Variants in PALLD observed in about 807,000 individuals in gnomAD.
PALLD encodes palladin.
A neutral mutation model predicts 123.5 loss-of-function variants in PALLD; 61 were observed. The observed-to-expected ratio is 0.49, with a 90% CI of 0.40 to 0.61. PALLD has a LOEUF of 0.61. Ranked by LOEUF, PALLD falls within the 20% of genes least tolerant of loss-of-function variation. PALLD has a pLI of 0.00. For synonymous variants in PALLD, 465 were observed against 496.4 expected (o/e 0.94, Z 0.84); for missense variants, 1,273 against 1,377.0 (o/e 0.92, Z 1.20).
chr4:168,611,635 T>A (rs1006287406), intron 2 of PALLD, among the ~76,000 whole-genome samples: 2 of 152,116 alleles, frequency 1.3e-5, no homozygotes, highest in African/African-American at 4.8e-5. Flanking sequence ...TAATGAAAAA[T>A]TCTGCAGGCT....
At chr4:168,738,112 T>G (rs2150335727) in intron 10 of PALLD, among the ~76,000 whole-genome samples, 1 of 152,294 alleles carries the variant, frequency 6.6e-6, no homozygotes, top group African/African-American at 2.4e-5. Flanking sequence ...CATTTTTCAT[T>G]GATTTGTGGC....
intron 4 of PALLD, among the ~76,000 whole-genome samples, 177 bp from the exon 5 acceptor site, chr4:168,682,821 C>T (rs1048733134): frequency 3.3e-5 from 5 of 151,904 alleles, no homozygotes; most frequent in African/African-American, 4.8e-5. Flanking sequence ...GCTATTCTAG[C>T]TGTAGGTTAT....
intron 2 of PALLD, among the ~76,000 whole-genome samples, chr4:168,651,747 A>ACTC (rs1012815104): frequency 6.6e-6 from 1 of 151,762 alleles, no homozygotes; most frequent in Non-Finnish European, 1.5e-5. Flanking sequence ...AAGAATTTCT[A>ACTC]CTCCTCCTCC....
intron 14 of PALLD, among the ~76,000 whole-genome samples, chr4:168,900,919 T>C (rs1350486298): frequency 6.6e-6 from 1 of 152,230 alleles, no homozygotes; most frequent in East Asian, 1.9e-4. Flanking sequence ...TTTCAAACCT[T>C]ACACAAGGCT....
chr4:168,690,520 G>A, intron 6 of PALLD, 83 bp from the exon 7 acceptor site: 1 of 1,546,016 alleles, frequency 6.5e-7, no homozygotes, highest in Non-Finnish European at 8.9e-7. Context: ...TCTGAGGTTT[G>A]GAATTTTTAT....
rs575270989 is a variant in PALLD, at chr4:168,676,717, C to T, written c.1088-4615C>T. On this transcript the variant is annotated intron_variant, in intron 3 of 21. Transcript: ENST00000505667. The stretch of plus-strand genomic sequence containing the variant: ...TCTCCTGCCTCAGCCTCCCAAGTAG[C>T]TGGGACTACCATGCCCATCTAATTT... Among the ~76,000 whole-genome samples, 19 of 151,054 alleles carry T rather than the reference C, an allele frequency of 1.3e-4. No individual in the cohort carries two copies. The South Asian group carries it at 3.8e-3, about 30-fold the overall frequency.
At chr4:168,522,154 C>T (rs558171694) in intron 2 of PALLD, among the ~76,000 whole-genome samples, 2 of 152,332 alleles carry the variant, frequency 1.3e-5, no homozygotes, top group East Asian at 1.9e-4. Context: ...GCTTTGTGAG[C>T]ATGTGTTAAC....
At chr4:168,623,722 A>T (rs13353581) in intron 2 of PALLD, among the ~76,000 whole-genome samples, 6,138 of 152,302 alleles carry the variant, frequency 0.04, 394 homozygotes, top group African/African-American at 0.14. Flanking sequence ...TCTCAGGTGA[A>T]GTGTAATTCA....
intron 10 of PALLD, among the ~76,000 whole-genome samples, chr4:168,725,529 T>C (rs995852130): frequency 1.4e-5 from 2 of 138,412 alleles, no homozygotes; most frequent in Non-Finnish European, 3.1e-5. Flanking sequence ...TTTCTTTTTT[T>C]TTTTTTTTTT....
chr4:168,889,590 G>A (rs549244552), intron 10 of PALLD, among the ~76,000 whole-genome samples: 10 of 152,172 alleles, frequency 6.6e-5, no homozygotes, highest in African/African-American at 2.4e-4. Flanking sequence ...TACCTTTGAA[G>A]CCCCCATTTG....
At chr4:168,726,345 A>G (rs1256727328) in intron 10 of PALLD, among the ~76,000 whole-genome samples, 1 of 152,178 alleles carries the variant, frequency 6.6e-6, no homozygotes, top group Admixed American at 6.5e-5. Flanking sequence ...ACTAGAGAGA[A>G]ACTTGTATTT....
At chr4:168,531,408 G>A (rs1764585209) in intron 2 of PALLD, among the ~76,000 whole-genome samples, 1 of 152,162 alleles carries the variant, frequency 6.6e-6, no homozygotes, top group Admixed American at 6.5e-5. Context: ...GGTAAAGATG[G>A]AATTCATCCT....
rs938692803 is a variant in PALLD, at chr4:168,750,239, G to T, written c.1964+38316G>T. On this transcript the variant is annotated intron_variant, in intron 10 of 21. Coordinates refer to ENST00000505667, the MANE Select transcript of PALLD (RefSeq NM_001166108.2). The stretch of plus-strand genomic sequence containing the variant: ...TGGGATTACAGGCGTGAACCAATGC[G>T]CCTGGCCAGTTTCCACTTATAAGCG... Among the ~76,000 whole-genome samples the T allele has an allele frequency of 2.0e-5, 3 of 152,108 alleles. No homozygotes were observed. In the South Asian group the frequency reaches 6.2e-4, roughly 32 times the overall value.
intron 10 of PALLD, among the ~76,000 whole-genome samples, chr4:168,775,565 A>G (rs1487371103): frequency 2.0e-5 from 3 of 152,164 alleles, no homozygotes; most frequent in South Asian, 2.1e-4. Context: ...ATCAACTTCT[A>G]TGTATCATGC....
chr4:168,732,090 C>G (rs1257665355), intron 10 of PALLD, among the ~76,000 whole-genome samples: 1 of 152,214 alleles, frequency 6.6e-6, no homozygotes, highest in Non-Finnish European at 1.5e-5. Context: ...ATGGAGATAT[C>G]ATTAGGGAGA....
intron 2 of PALLD, among the ~76,000 whole-genome samples, chr4:168,663,458 A>G (rs1052938125): frequency 2.6e-5 from 4 of 152,100 alleles, no homozygotes; most frequent in Admixed American, 1.3e-4. Flanking sequence ...GTTGTCTGGT[A>G]TCTGGCCCTG....
At chr4:168,855,953 G>A (rs1319144315) in intron 10 of PALLD, among the ~76,000 whole-genome samples, 1 of 152,188 alleles carries the variant, frequency 6.6e-6, no homozygotes, top group Non-Finnish European at 1.5e-5. Flanking sequence ...CTCTCACCCA[G>A]GTGGTGCACA....
intron 10 of PALLD, among the ~76,000 whole-genome samples, chr4:168,761,645 GTTTTTTTTTTTTTTTT>G (rs70961555): frequency 4.5e-5 from 4 of 88,024 alleles, no homozygotes; most frequent in African/African-American, 8.3e-5. Flanking sequence ...GTTGTTGTTT[GTTTTTTTTTTTTTTTT>G]TTTTTTTTTT....
At chr4:168,806,852 A>G (rs1429409027) in intron 10 of PALLD, among the ~76,000 whole-genome samples, 1 of 152,188 alleles carries the variant, frequency 6.6e-6, no homozygotes, top group African/African-American at 2.4e-5. Context: ...GGCTGACAAG[A>G]TGTATAGAGA....
Sources: allele counts gnomAD v4.1 joint callset (sites outside exome capture counted in the v4.1 genomes callset), GRCh38; gene constraint gnomAD v4.1.1; transcripts MANE v1.5; gene names NCBI Gene and HGNC (gene_info 2026-07-23, HGNC 2026-07-21).